DPP10: variants seen among roughly 807,000 people sequenced by gnomAD.
The protein encoded by DPP10 is dipeptidyl peptidase like 10, also known as inactive dipeptidyl peptidase 10.
Under a neutral mutation model 120.9 loss-of-function variants are expected in DPP10, and 33 were observed. That is an observed-to-expected ratio of 0.27 (90% CI 0.21 to 0.37). The LOEUF (loss-of-function observed/expected upper bound fraction) is 0.37, where lower values mean the gene tolerates loss of function less well. Ranked by LOEUF, DPP10 falls within the 10% of genes least tolerant of loss-of-function variation. DPP10 has a pLI of 1.00. For synonymous variants in DPP10, 337 were observed against 326.1 expected (o/e 1.03, Z -0.36); for missense variants, 816 against 942.8 (o/e 0.87, Z 1.76).
At chr2:114,718,338 T>C (rs1224771181) in intron 1 of DPP10, among the ~76,000 whole-genome samples, 1 of 146,882 alleles carries the variant, frequency 6.8e-6, no homozygotes, top group Non-Finnish European at 1.5e-5. Context: ...GAGGCGGAGG[T>C]TGCAGTGAGC....
intron 3 of DPP10, among the ~76,000 whole-genome samples, chr2:115,374,425 T>G (rs2065636085): frequency 6.6e-6 from 1 of 152,170 alleles, no homozygotes; most frequent in African/African-American, 2.4e-5. Context: ...GCTGCTTTCA[T>G]AGGCTGGCAA....
At chr2:114,950,253 C>G (rs1697674743) in intron 1 of DPP10, among the ~76,000 whole-genome samples, 2 of 149,136 alleles carry the variant, frequency 1.3e-5, no homozygotes, top group Admixed American at 1.3e-4. Context: ...GCCAAGACAA[C>G]TACCCTATGT....
Position 115,094,624 on chromosome 2 carries a change from A to G in DPP10, c.61-214615A>G, listed in dbSNP as rs554526067. Among the ~76,000 whole-genome samples, 5 of 152,328 alleles carry G rather than the reference A, an allele frequency of 3.3e-5. No homozygotes were observed. The South Asian group carries it at 1.0e-3, about 32-fold the overall frequency. On this transcript the variant is annotated intron_variant, in intron 1 of 25. Transcript: ENST00000410059. The stretch of plus-strand genomic sequence containing the variant: ...CCTAAAATAATACCTGTTTTGAAAC[A>G]GTAGCTCCATGAGTATTTACCGAGG...
intron 5 of DPP10, among the ~76,000 whole-genome samples, chr2:115,564,281 T>A (rs555268362): frequency 2.6e-5 from 4 of 151,898 alleles, no homozygotes; most frequent in Admixed American, 6.6e-5. Context: ...ATTTTTATTT[T>A]ATTTTTATCC....
chr2:115,578,121 G>A (rs748646684), intron 5 of DPP10, among the ~76,000 whole-genome samples: 9 of 152,068 alleles, frequency 5.9e-5, no homozygotes, highest in Non-Finnish European at 1.3e-4. Context: ...AAGCAAGCTG[G>A]CAGCCTTGCT....
At chr2:114,593,333 G>T (rs1691619007) in intron 1 of DPP10, among the ~76,000 whole-genome samples, 1 of 152,152 alleles carries the variant, frequency 6.6e-6, no homozygotes. Flanking sequence ...TCAAAGGGAA[G>T]GAGCCTTGAC....
chr2:115,366,432 G>A (rs2065082249), intron 3 of DPP10, among the ~76,000 whole-genome samples: 4 of 151,646 alleles, frequency 2.6e-5, no homozygotes, highest in Admixed American at 1.3e-4. Flanking sequence ...TTTTGTCCTG[G>A]TTTATTCCTT....
chr2:115,755,607 A>C (rs1362807943), intron 11 of DPP10, among the ~76,000 whole-genome samples: 1 of 152,134 alleles, frequency 6.6e-6, no homozygotes, highest in Non-Finnish European at 1.5e-5. Flanking sequence ...GTCTAGGCAA[A>C]GATTTTATGG....
chr2:114,489,382 T>G (rs530395134), intron 1 of DPP10, among the ~76,000 whole-genome samples: 16 of 152,192 alleles, frequency 1.1e-4, no homozygotes, highest in African/African-American at 3.6e-4. Context: ...CCCAACCACA[T>G]GCGGATGAGC....
chr2:114,741,303 C>T (rs1678038344), intron 1 of DPP10, among the ~76,000 whole-genome samples: 1 of 152,102 alleles, frequency 6.6e-6, no homozygotes. Context: ...AGTTTCTTTC[C>T]ACTATTATTC....
intron 1 of DPP10, among the ~76,000 whole-genome samples, chr2:114,967,004 T>C (rs1699080800): frequency 6.6e-6 from 1 of 151,932 alleles, no homozygotes; most frequent in Non-Finnish European, 1.5e-5. Flanking sequence ...ACCACACCAT[T>C]GTACACCAGT....
At chr2:115,759,520 A>T (rs554762200) in intron 11 of DPP10, among the ~76,000 whole-genome samples, 1 of 152,284 alleles carries the variant, frequency 6.6e-6, no homozygotes, top group South Asian at 2.1e-4. Flanking sequence ...TGACAACATT[A>T]ACTGTTAAAG....
At chr2:114,539,914 C>G (rs765713806) in intron 1 of DPP10, among the ~76,000 whole-genome samples, 2 of 152,034 alleles carry the variant, frequency 1.3e-5, no homozygotes, top group Admixed American at 6.6e-5. Flanking sequence ...ATATTCTTAG[C>G]AATATTATTA....
chr2:115,151,643 G>A (rs543197896), intron 1 of DPP10, among the ~76,000 whole-genome samples: 3 of 151,410 alleles, frequency 2.0e-5, no homozygotes, highest in East Asian at 3.9e-4. Context: ...TTCTGACCTC[G>A]TGATCCACCC....
chr2:114,533,528 G>T (rs1189617662), intron 1 of DPP10, among the ~76,000 whole-genome samples: 1 of 151,868 alleles, frequency 6.6e-6, no homozygotes, highest in African/African-American at 2.4e-5. Context: ...TTAATACCTA[G>T]GTGATGGGTT....
intron 5 of DPP10, among the ~76,000 whole-genome samples, chr2:115,560,445 T>TATATATATATATATATAC (rs1359773531): frequency 2.3e-5 from 2 of 86,250 alleles, no homozygotes; most frequent in South Asian, 4.4e-4. Flanking sequence ...TATATATATA[T>TATATATATATATATATAC]ACGACAAGCT....
rs145368941 is a variant in DPP10 at position 114,666,861 on chromosome 2, A to G, written c.60+224023A>G. The stretch of plus-strand genomic sequence containing the variant: ...CATAGTATAATACTAAATGTTTTAT[A>G]TGTCTTAATCGTAACTATATAATAA... On this transcript the variant is annotated intron_variant, in intron 1 of 25. Coordinates refer to ENST00000410059, the MANE Select transcript of DPP10 (RefSeq NM_020868.6). Among the ~76,000 whole-genome samples the G allele has an allele frequency of 2.2e-3, 340 of 152,370 alleles. 2 individuals are homozygous for G. The highest frequency in any genetic ancestry group is 7.9e-3 in the African/African-American group (329 of 41,584).
Position 115,035,479 on chromosome 2 carries a change from T to C in DPP10, c.61-273760T>C, listed in dbSNP as rs556912559. Among the ~76,000 whole-genome samples the C allele has an allele frequency of 9.8e-4, 149 of 152,328 alleles. 1 individual carries two copies. In the Middle Eastern group the frequency reaches 0.02, roughly 21 times the overall value. On this transcript the variant is annotated intron_variant, in intron 1 of 25. Transcript: ENST00000410059. ...TATCTTGAAGGAGGAGCTTCAGGTT[T>C]GTTTATATTTTTATTTTCAGAACGA... is the stretch of plus-strand genomic sequence containing the variant.
chr2:115,538,693 A>G (rs2079011324), intron 5 of DPP10, among the ~76,000 whole-genome samples: 1 of 152,026 alleles, frequency 6.6e-6, no homozygotes, highest in East Asian at 1.9e-4. Flanking sequence ...AGCTCAGTAT[A>G]AATTCAGGCT....
Sources: gnomAD v4.1 joint callset for allele counts (sites outside exome capture counted in the v4.1 genomes callset) on GRCh38, gnomAD v4.1.1 for gene constraint, MANE v1.5 for transcripts, NCBI Gene and HGNC (gene_info 2026-07-23, HGNC 2026-07-21) for gene names.